Variants in DOCK8 observed in about 807,000 individuals in gnomAD.
DOCK8 encodes the protein dedicator of cytokinesis protein 8.
In DOCK8, 141 loss-of-function variants were observed where a neutral mutation model predicts 245.6. That is an observed-to-expected ratio of 0.57 (90% confidence interval 0.50 to 0.66). The LOEUF is 0.66. DOCK8 is among the 30% of genes least tolerant of loss of function. The pLI, the probability that DOCK8 is intolerant of heterozygous loss-of-function variation, is 0.00. For synonymous variants in DOCK8, 1,168 were observed against 970.2 expected, an observed-to-expected ratio of 1.20 and a Z score of -3.79; for missense variants, 2,965 against 2,603.4, an observed-to-expected ratio of 1.14 and a Z score of -3.02.
intron 10 of DOCK8, 83 bp from the exon 11 acceptor site, chr9:334,142 G>T: frequency 6.7e-7 from 1 of 1,500,350 alleles, no homozygotes; most frequent in East Asian, 2.3e-5. Flanking sequence ...TTGGATTTTG[G>T]AGATGGCTGT....
intron 28 of DOCK8, among the ~76,000 whole-genome samples, chr9:413,346 G>A (rs761353381): frequency 2.6e-5 from 4 of 152,020 alleles, no homozygotes; most frequent in African/African-American, 9.7e-5. Context: ...CTTAGAAAAG[G>A]CAGTGGTTTC....
At chr9:395,238 C>A (rs896901346) in intron 24 of DOCK8, among the ~76,000 whole-genome samples, 7 of 152,104 alleles carry the variant, frequency 4.6e-5, no homozygotes, top group Non-Finnish European at 1.0e-4. Flanking sequence ...GGTTTCTCTA[C>A]TGAGCTTTAG....
chr9:286,344 C>G, intron 2 of DOCK8, 117 bp from the exon 3 acceptor site: 1 of 1,170,922 alleles, frequency 8.5e-7, no homozygotes, highest in Non-Finnish European at 1.2e-6. Flanking sequence ...CCGTTTTATG[C>G]CAGGAGCGAA....
chr9:273,103 A>G (rs2048210277), intron 2 of DOCK8: 1 of 985,278 alleles, frequency 1.0e-6, no homozygotes, highest in African/African-American at 1.7e-5. Flanking sequence ...TTTCAAAGGT[A>G]TGTTTTACTG....
chr9:379,466 A>C (rs2053650402), intron 20 of DOCK8, among the ~76,000 whole-genome samples: 1 of 152,086 alleles, frequency 6.6e-6, no homozygotes, highest in African/African-American at 2.4e-5. Context: ...CGCAGCCCCC[A>C]CTGAGTAGCA....
chr9:336,812 C>T (rs1263555575), intron 12 of DOCK8, 94 bp downstream of exon 12: 2 of 1,464,322 alleles, frequency 1.4e-6, no homozygotes, highest in Non-Finnish European at 9.5e-7. Flanking sequence ...ATTAAGAGAG[C>T]AAATTAGTTA....
chr9:234,752 T>C (rs2131385992), intron 1 of DOCK8, among the ~76,000 whole-genome samples: 1 of 152,262 alleles, frequency 6.6e-6, no homozygotes, highest in East Asian at 1.9e-4. Context: ...CTCCATCAGG[T>C]CCTTTTAGGA....
At chr9:337,222 C>A (rs1256576267) in intron 12 of DOCK8, among the ~76,000 whole-genome samples, 1 of 152,172 alleles carries the variant, frequency 6.6e-6, no homozygotes, top group East Asian at 1.9e-4. Context: ...AGGGGACATT[C>A]AAACCACAGC....
At chr9:417,980 G>T in intron 29 of DOCK8, 88 bp from the exon 30 acceptor site, 1 of 1,562,192 alleles carries the variant, frequency 6.4e-7, no homozygotes, top group South Asian at 1.1e-5. Context: ...TGACTTTAGT[G>T]ACTGAGAAGT....
chr9:255,266 C>G (rs1489774967), intron 1 of DOCK8, among the ~76,000 whole-genome samples: 1 of 152,150 alleles, frequency 6.6e-6, no homozygotes, highest in Non-Finnish European at 1.5e-5. Context: ...ACTCTTTTGA[C>G]TGTTTTGAGT....
In DOCK8 at chr9:403,960, G is replaced by A. The variant is rs1312654324; in HGVS notation, c.3235-958G>A. On this transcript the variant is annotated intron_variant, in intron 26 of 47. Transcript: ENST00000432829. ...TATATATATGTGTATATATATATATGTATATATATATATATGTGTATATAT... is the reference window on the plus strand; with the variant it reads ...TATATATATGTGTATATATATATATATATATATATATATATGTGTATATAT... 4.0e-3 allele frequency among the ~76,000 whole-genome samples: 269 copies of A among 67,032 alleles called. 6 individuals are homozygous for A. The highest frequency in any genetic ancestry group is 0.015 in the African/African-American group (180 of 11,686). 44.0% of individuals were successfully genotyped at this position (67,032 alleles called of 152,430 possible).
rs143248132 is a variant in DOCK8 at position 417,609 on chromosome 9, A to C, written c.3701-459A>C. Among the ~76,000 whole-genome samples, 72 of 152,348 alleles carry C rather than the reference A, an allele frequency of 4.7e-4. No homozygotes were observed. In the East Asian group the frequency reaches 0.013, roughly 27 times the overall value. ...CCTATCTATAAATATGGGTATGTCT[A>C]TATTACATAGATACAATAAATTGAC... On this transcript the variant is annotated intron_variant, in intron 29 of 47. Coordinates refer to ENST00000432829, the MANE Select transcript of DOCK8 (RefSeq NM_203447.4).
chr9:369,851 G>A (rs2053203317), intron 15 of DOCK8: 1 of 263,086 alleles, frequency 3.8e-6, no homozygotes, highest in Non-Finnish European at 7.5e-6. Context: ...GCCCAGGCTG[G>A]GGTGCAATGG....
chr9:271,829 C>G, intron 2 of DOCK8, 100 bp downstream of exon 2: 4 of 774,162 alleles, frequency 5.2e-6, no homozygotes, highest in South Asian at 3.1e-5. Context: ...ACCATCACCT[C>G]ACATTCTCCA....
At chr9:385,444 A>G (rs971159164) in intron 22 of DOCK8, among the ~76,000 whole-genome samples, 21 of 152,264 alleles carry the variant, frequency 1.4e-4, no homozygotes, top group African/African-American at 5.1e-4. Flanking sequence ...TTCAAAATTA[A>G]AAGTTCACTT....
chr9:405,355 A>C (rs1158091593), intron 27 of DOCK8, among the ~76,000 whole-genome samples: 1 of 152,226 alleles, frequency 6.6e-6, no homozygotes. Flanking sequence ...AAAAGTCTCA[A>C]ATCTTCCTTT....
chr9:382,812 G>A, intron 22 of DOCK8, 127 bp downstream of exon 22: 1 of 1,217,498 alleles, frequency 8.2e-7, no homozygotes. Context: ...TTAATGCTCA[G>A]CTTTGGAGTG....
intron 44 of DOCK8, among the ~76,000 whole-genome samples, chr9:448,953 C>T (rs919721823): frequency 1.3e-5 from 2 of 152,204 alleles, no homozygotes; most frequent in African/African-American, 4.8e-5. Context: ...ACTGGAAATT[C>T]ACCCTCAGTT....
intron 1 of DOCK8, among the ~76,000 whole-genome samples, chr9:236,030 C>G (rs534376161): frequency 6.6e-6 from 1 of 152,152 alleles, no homozygotes; most frequent in Non-Finnish European, 1.5e-5. Flanking sequence ...TGTTCCTATT[C>G]GGCCATCTTG....
Sources: gnomAD v4.1 joint callset for allele counts (sites outside exome capture counted in the v4.1 genomes callset) on GRCh38, gnomAD v4.1.1 for gene constraint, MANE v1.5 for transcripts, NCBI Gene and HGNC (gene_info 2026-07-23, HGNC 2026-07-21) for gene names.